ANK2: variants seen among roughly 807,000 people sequenced by gnomAD.
The protein encoded by ANK2 is ankyrin-2.
Under a neutral mutation model 360.5 loss-of-function variants are expected in ANK2, and 83 were observed. That is an observed-to-expected ratio of 0.23 (90% CI 0.19 to 0.28). The LOEUF is 0.28. ANK2 is among the 10% of genes least tolerant of loss of function. The pLI, the probability that ANK2 is intolerant of heterozygous loss-of-function variation, is 1.00. For missense variants in ANK2, 4,201 were observed against 4,795.7 expected (o/e 0.88, Z 3.66); for synonymous variants, 1,740 against 1,759.5 (o/e 0.99, Z 0.28).
At chr4:112,909,257 C>T (rs897876633) in intron 2 of ANK2, among the ~76,000 whole-genome samples, 2 of 152,152 alleles carry the variant, frequency 1.3e-5, no homozygotes, top group Non-Finnish European at 2.9e-5. Context: ...AATATTCACC[C>T]TTTGTTCTGG....
intron 26 of ANK2, among the ~76,000 whole-genome samples, chr4:113,327,450 G>A (rs2090564490): frequency 6.6e-6 from 1 of 152,172 alleles, no homozygotes; most frequent in Non-Finnish European, 1.5e-5. Context: ...ATTGTCCAGA[G>A]ACTAAAGAAT....
At chr4:113,004,319 T>A (rs2051945216) in intron 2 of ANK2, among the ~76,000 whole-genome samples, 1 of 152,332 alleles carries the variant, frequency 6.6e-6, no homozygotes, top group African/African-American at 2.4e-5. Context: ...ACAATTAGGA[T>A]ATAAAGAAAT....
chr4:112,758,668 G>A, the ANK2 span, among the ~76,000 whole-genome samples: 3 of 152,174 alleles, frequency 2.0e-5, no homozygotes, highest in East Asian at 5.8e-4. Flanking sequence ...GCCCACCTCA[G>A]CCTCCCAAGC....
At chr4:113,261,415 T>G (rs914698963) in intron 13 of ANK2, among the ~76,000 whole-genome samples, 4 of 152,200 alleles carry the variant, frequency 2.6e-5, no homozygotes, top group Non-Finnish European at 5.9e-5. Flanking sequence ...AGTTCACACA[T>G]TATATTATGC....
rs1413297811 is a variant in ANK2, at chr4:113,357,690, A to C, written c.9072A>C (p.Thr3024=). The C allele has an allele frequency of 4.3e-6, 7 of 1,614,056 alleles. No homozygotes were observed. The highest frequency in any genetic ancestry group is 5.9e-6 in the Non-Finnish European group (7 of 1,179,990). Residue 3024 remains threonine (T), a synonymous_variant, in exon 38 of 46, where the codon ACA becomes ACC. Transcript: ENST00000357077. ...AGCCTACTATGTCCGCTACAACAAC[A>C]GTTGTTGGTGAACAAATAAGCAAAG... ...SFEPTMSATT[T]VVGEQISKVI...
At chr4:113,128,540 A>G (rs2095808108) in intron 1 of ANK2, among the ~76,000 whole-genome samples, 1 of 152,184 alleles carries the variant, frequency 6.6e-6, no homozygotes. Flanking sequence ...CCAGGGCTGG[A>G]GTGCAGTGGC....
chr4:113,195,947 G>GT (rs1378302438), intron 2 of ANK2, among the ~76,000 whole-genome samples: 1 of 152,122 alleles, frequency 6.6e-6, no homozygotes, highest in Non-Finnish European at 1.5e-5. Context: ...GTACATCTTC[G>GT]TAAGTGTGAA....
At chr4:112,986,561 C>G (rs981565992) in intron 2 of ANK2, among the ~76,000 whole-genome samples, 3 of 152,174 alleles carry the variant, frequency 2.0e-5, no homozygotes, top group Non-Finnish European at 4.4e-5. Context: ...GGGGAAGAAT[C>G]TTCCTGGTAA....
chr4:112,847,987 G>A (rs2063721365), intron 1 of ANK2, among the ~76,000 whole-genome samples: 1 of 152,166 alleles, frequency 6.6e-6, no homozygotes, highest in Non-Finnish European at 1.5e-5. Flanking sequence ...TCAGTAACGA[G>A]TGGTGTCTGC....
chr4:112,919,619 C>G (rs2090931634), intron 2 of ANK2, among the ~76,000 whole-genome samples: 1 of 151,710 alleles, frequency 6.6e-6, no homozygotes, highest in African/African-American at 2.4e-5. Context: ...AGTATAATAC[C>G]AAATTTATTT....
chr4:113,099,183 A>T (rs942344467), intron 1 of ANK2, among the ~76,000 whole-genome samples: 1 of 151,980 alleles, frequency 6.6e-6, no homozygotes, highest in Admixed American at 6.6e-5. Context: ...AGGAAATAAC[A>T]GATATATTGG....
At chr4:112,880,469 A>G (rs1002471667) in intron 1 of ANK2, 1 of 152,222 alleles carries the variant, frequency 6.6e-6, no homozygotes, top group African/African-American at 2.4e-5. Flanking sequence ...TACTGATGAC[A>G]TAACTTTTGA....
intron 1 of ANK2, among the ~76,000 whole-genome samples, chr4:112,869,399 C>T (rs1159831445): frequency 1.3e-5 from 2 of 152,046 alleles, no homozygotes; most frequent in Non-Finnish European, 2.9e-5. Flanking sequence ...CACCTCAGCC[C>T]CGCAAGTTGC....
At chr4:113,280,594 T>G (rs2061916670) in intron 17 of ANK2, among the ~76,000 whole-genome samples, 1 of 152,182 alleles carries the variant, frequency 6.6e-6, no homozygotes, top group South Asian at 2.1e-4. Flanking sequence ...CTCCTCTCCT[T>G]AATACACACG....
At chr4:113,048,565 G>C (rs188968843), upstream of ANK2, among the ~76,000 whole-genome samples, 1 of 150,698 alleles carries the variant, frequency 6.6e-6, no homozygotes, top group East Asian at 2.0e-4. Flanking sequence ...GAGCCACTGC[G>C]CCCAGCCTAC....
chr4:113,301,814 T>C (rs2075172797), intron 22 of ANK2, among the ~76,000 whole-genome samples: 1 of 152,230 alleles, frequency 6.6e-6, no homozygotes. Context: ...AAGCATGCAG[T>C]AGACATTCAG....
chr4:112,813,295 A>G (rs906116133), upstream of ANK2, among the ~76,000 whole-genome samples: 13 of 151,952 alleles, frequency 8.6e-5, no homozygotes, highest in Admixed American at 8.5e-4. Flanking sequence ...TCAATGGAAC[A>G]AAAACAATGG....
intron 2 of ANK2, among the ~76,000 whole-genome samples, chr4:112,995,424 C>T (rs184232640): frequency 5.5e-4 from 84 of 152,130 alleles, no homozygotes; most frequent in African/African-American, 1.8e-3. Context: ...TATTCATGTC[C>T]TTTACTCTGT....
chr4:113,142,747 G>A (rs910989465), intron 1 of ANK2, among the ~76,000 whole-genome samples: 4 of 152,070 alleles, frequency 2.6e-5, no homozygotes, highest in Non-Finnish European at 5.9e-5. Context: ...GAGGGGGGTA[G>A]AAGAAAACAA....
Sources: allele counts gnomAD v4.1 joint callset (sites outside exome capture counted in the v4.1 genomes callset), GRCh38; gene constraint gnomAD v4.1.1; transcripts MANE v1.5; gene names NCBI Gene and HGNC (gene_info 2026-07-23, HGNC 2026-07-21).